The following SAR1B variants were observed in gnomAD, a reference collection of about 807,000 sequenced individuals.
SAR1B encodes the protein secretion associated Ras related GTPase 1B.
Under a neutral mutation model 26.8 loss-of-function variants are expected in SAR1B, and 23 were observed. The ratio of observed to expected loss-of-function variants is 0.86; its 90% CI spans 0.62 to 1.22. The LOEUF (loss-of-function observed/expected upper bound fraction) is 1.22, where lower values mean the gene tolerates loss of function less well. Ranked by LOEUF, SAR1B falls within the 50% of genes most tolerant of loss-of-function variation. The pLI is 0.00. For synonymous variants in SAR1B, 65 were observed against 80.8 expected (o/e 0.80, Z 1.05); for missense variants, 196 against 232.8 (o/e 0.84, Z 1.03).
intron 4 of SAR1B, 50 bp from the exon 5 acceptor site, chr5:134,609,724 A>C: frequency 2.1e-6 from 3 of 1,438,068 alleles, no homozygotes; most frequent in Non-Finnish European, 2.9e-6. Flanking sequence ...CAAACCCAGC[A>C]GATGGTTTAA....
At chr5:134,625,267 A>G (rs897228931) in intron 1 of SAR1B, among the ~76,000 whole-genome samples, 1 of 152,172 alleles carries the variant, frequency 6.6e-6, no homozygotes, top group Admixed American at 6.6e-5. Flanking sequence ...TTGAAACTCA[A>G]ACATTCACAG....
rs1399825120 is a variant in SAR1B, at chr5:134,604,464, C to G, written c.*2486G>C. ...TTAATTTGGTTCTCTTGAAAAAGAG[C>G]AGTACCCAGTGCATATACTCTGGAG... On this transcript the variant is annotated 3_prime_UTR_variant, in exon 7 of 7. Coordinates refer to ENST00000402673, the MANE Select transcript of SAR1B (RefSeq NM_016103.4). The G allele has an allele frequency of 1.3e-5, 2 of 152,230 alleles. No homozygotes were observed. The highest frequency in any genetic ancestry group is 1.5e-5 in the Non-Finnish European group (1 of 68,062). The allele number at this position is 152,230 out of a possible 1,614,324, so 9.4% of individuals were successfully genotyped here.
In SAR1B at chr5:134,609,656, T is replaced by C. The variant is rs1244961703; in HGVS notation, c.263A>G (p.Asn88Ser). ...GHVQARRVWK[N>S]YLPAINGIVF... ...AATGCCATTGATAGCAGGAAGGTAGTTTTTCCACACTCTTCGAGCTAACAA... is the reference window on the plus strand; with the variant it reads ...AATGCCATTGATAGCAGGAAGGTAGCTTTTCCACACTCTTCGAGCTAACAA... Residue 88 changes from asparagine (N) to serine (S), a missense_variant, in exon 5 of 7, where the codon AAC becomes AGC. Coordinates refer to ENST00000402673, the MANE Select transcript of SAR1B (RefSeq NM_016103.4). 25 of 1,613,928 alleles carry C rather than the reference T, an allele frequency of 1.5e-5. No individual in the cohort carries two copies. The Admixed American group carries it at 4.2e-4, about 27-fold the overall frequency.
chr5:134,615,643 G>A (rs1366101290), intron 3 of SAR1B, among the ~76,000 whole-genome samples: 1 of 146,864 alleles, frequency 6.8e-6, no homozygotes, highest in Non-Finnish European at 1.5e-5. Flanking sequence ...GTGAAACCCC[G>A]TCTCTACTAA....
chr5:134,619,697 C>T (rs1263351232), intron 3 of SAR1B, among the ~76,000 whole-genome samples: 1 of 152,030 alleles, frequency 6.6e-6, no homozygotes, highest in Non-Finnish European at 1.5e-5. Context: ...CAATATATGC[C>T]TTGTTTTCTT....
intron 3 of SAR1B, among the ~76,000 whole-genome samples, chr5:134,616,075 G>A (rs1765310118): frequency 6.8e-6 from 1 of 147,670 alleles, no homozygotes; most frequent in Non-Finnish European, 1.5e-5. Flanking sequence ...AGGTTGCAGT[G>A]AGCCGAGACT....
rs961062032 is a variant in SAR1B, at chr5:134,602,298, C to G, written c.*4652G>C. On this transcript the variant is annotated 3_prime_UTR_variant, in exon 7 of 7. Coordinates refer to ENST00000402673, the MANE Select transcript of SAR1B (RefSeq NM_016103.4). ...TTAAATATATTAGCTATTTAATGCTCTAAATTATAAGGACAAAAATTAATT... is the reference window on the plus strand; with the variant it reads ...TTAAATATATTAGCTATTTAATGCTGTAAATTATAAGGACAAAAATTAATT... 6.6e-6 allele frequency: 1 copy of G among 152,130 alleles called. No individual in the cohort carries two copies. Among genetic ancestry groups the G allele is most frequent in the African/African-American group, 2.4e-5 (1 of 41,412 alleles). 9.4% of individuals were successfully genotyped at this position (152,130 alleles called of 1,614,324 possible). A position where few individuals can be genotyped will look rare whatever the true frequency, so the allele number is the denominator to read the frequency against.
At position 134,620,991 on chromosome 5, in the gene SAR1B, T is replaced by A. The variant is rs1765398563; in HGVS notation, c.120A>T (p.Thr40=). ...TGTCATCTTTTAGCATGTGTAGCAA[T>A]GTTGTTTTTCCTGCATTATCCAATC... The part of the protein sequence containing the change: ...FLGLDNAGKT[T]LLHMLKDDRL... The change falls in exon 3 of 7, where the codon ACA becomes ACT. Residue 40 remains threonine (T), a synonymous_variant. Coordinates refer to ENST00000402673, the MANE Select transcript of SAR1B (RefSeq NM_016103.4). The A allele has an allele frequency of 1.7e-5, 28 of 1,613,484 alleles. No homozygotes were observed. Among genetic ancestry groups the A allele is most frequent in the Non-Finnish European group, 2.3e-5 (27 of 1,179,390 alleles).
chr5:134,606,801 A>T lies in SAR1B; in HGVS notation c.*149T>A. 1 of 683,096 alleles carries T rather than the reference A, an allele frequency of 1.5e-6. No individual in the cohort carries two copies. The highest frequency in any genetic ancestry group is 1.5e-5 in the South Asian group (1 of 65,768). 42.3% of individuals were successfully genotyped at this position (683,096 alleles called of 1,614,324 possible). ...TTACTTGAATCAGTTTTCAATTCTCATTCAAATTAAGTTGATTTAATATTA... is the reference window on the plus strand; with the variant it reads ...TTACTTGAATCAGTTTTCAATTCTCTTTCAAATTAAGTTGATTTAATATTA... On this transcript the variant is annotated 3_prime_UTR_variant, in exon 7 of 7. Coordinates refer to ENST00000402673, the MANE Select transcript of SAR1B (RefSeq NM_016103.4).
chr5:134,617,984 T>C (rs895860148), intron 3 of SAR1B, among the ~76,000 whole-genome samples: 1 of 152,022 alleles, frequency 6.6e-6, no homozygotes, highest in Admixed American at 6.6e-5. Context: ...TATATCAGAA[T>C]CTTACTTGCC....
At chr5:134,630,185 G>A (rs752249490) in intron 1 of SAR1B, among the ~76,000 whole-genome samples, 2 of 152,082 alleles carry the variant, frequency 1.3e-5, no homozygotes, top group Non-Finnish European at 2.9e-5. Context: ...GCTGGGGGAG[G>A]TGGCTCACGC....
intron 1 of SAR1B, among the ~76,000 whole-genome samples, chr5:134,624,982 GAGA>G (rs1428821167): frequency 9.2e-5 from 14 of 152,088 alleles, no homozygotes; most frequent in Non-Finnish European, 4.4e-5. Flanking sequence ...ATAAACTAAA[GAGA>G]AGGAGATAGT....
Position 134,606,890 on chromosome 5 carries a change from G to T in SAR1B, c.*60C>A. 1.9e-6 allele frequency: 2 copies of T among 1,046,006 alleles called. No individual in the cohort carries two copies. The highest frequency in any genetic ancestry group is 2.5e-5 in the South Asian group (2 of 79,412). The allele number at this position is 1,046,006 out of a possible 1,614,324, so 64.8% of individuals were successfully genotyped here. A position where few individuals can be genotyped will look rare whatever the true frequency, so the allele number is the denominator to read the frequency against. On this transcript the variant is annotated 3_prime_UTR_variant, in exon 7 of 7. Transcript: ENST00000402673. ...CTATTGAATTCAAGTTATGCATGTT[G>T]AGCAATCAAATCTCTGAGTAAGCCT... is the stretch of plus-strand genomic sequence containing the variant.
intron 3 of SAR1B, among the ~76,000 whole-genome samples, chr5:134,619,509 G>A (rs1052344045): frequency 3.3e-5 from 5 of 151,468 alleles, no homozygotes; most frequent in Admixed American, 1.3e-4. Flanking sequence ...ACAGGTGTAT[G>A]CCACCATGCC....
chr5:134,626,929 C>T (rs574084036), intron 1 of SAR1B, among the ~76,000 whole-genome samples: 7 of 151,706 alleles, frequency 4.6e-5, no homozygotes, highest in South Asian at 2.1e-4. Context: ...TTTAAAAGGT[C>T]GATTTTATGG....
At chr5:134,630,149 A>G (rs1218967181) in intron 1 of SAR1B, among the ~76,000 whole-genome samples, 1 of 151,974 alleles carries the variant, frequency 6.6e-6, no homozygotes, top group Admixed American at 6.6e-5. Context: ...CAGCCAAGTG[A>G]GTACTTAACG....
At chr5:134,616,882 T>C (rs1267198993) in intron 3 of SAR1B, among the ~76,000 whole-genome samples, 1 of 152,236 alleles carries the variant, frequency 6.6e-6, no homozygotes, top group Admixed American at 6.5e-5. Context: ...CCATTATTTA[T>C]CAATTTCCTT....
chr5:134,616,266 G>A (rs1002083910), intron 3 of SAR1B, among the ~76,000 whole-genome samples: 3 of 151,700 alleles, frequency 2.0e-5, no homozygotes, highest in East Asian at 1.9e-4. Flanking sequence ...GTGAAATCCC[G>A]TCTCTACTAA....
chr5:134,630,347 C>T (rs111435415), intron 1 of SAR1B, among the ~76,000 whole-genome samples: 4,015 of 149,132 alleles, frequency 0.027, 84 homozygotes, highest in African/African-American at 0.064. Flanking sequence ...CCCAGCTACT[C>T]GGGAGGCTGA....
Sources: allele counts gnomAD v4.1 joint callset (sites outside exome capture counted in the v4.1 genomes callset), GRCh38; gene constraint gnomAD v4.1.1; transcripts MANE v1.5; gene names NCBI Gene and HGNC (gene_info 2026-07-23, HGNC 2026-07-21).